Variants in MAJIN observed in about 807,000 individuals in gnomAD.
The protein encoded by MAJIN is membrane anchored junction protein.
A neutral mutation model predicts 30.2 loss-of-function variants in MAJIN; 27 were observed. The observed-to-expected ratio is 0.89, with a 90% CI of 0.66 to 1.23. The LOEUF (loss-of-function observed/expected upper bound fraction) is 1.23. MAJIN is among the 50% of genes most tolerant of loss of function. MAJIN has a pLI of 0.00. For synonymous variants in MAJIN, 78 were observed against 91.6 expected (o/e 0.85, Z 0.85); for missense variants, 253 against 260.3 (o/e 0.97, Z 0.19).
intron 1 of MAJIN, among the ~76,000 whole-genome samples, chr11:64,963,482 C>T (rs1341287796): frequency 2.0e-5 from 3 of 152,202 alleles, no homozygotes; most frequent in African/African-American, 7.2e-5. Context: ...TGTCTGGTGA[C>T]AACTGATAAA....
intron 8 of MAJIN, among the ~76,000 whole-genome samples, chr11:64,940,970 C>T (rs866722834): frequency 6.6e-6 from 1 of 150,650 alleles, no homozygotes; most frequent in South Asian, 2.1e-4. Flanking sequence ...TCCTGAGTAG[C>T]TGGGACTACA....
rs111507908 is a variant in MAJIN, at chr11:64,943,992, C to T, written c.474-3346G>A. Among the ~76,000 whole-genome samples the T allele has an allele frequency of 1.4e-3, 208 of 152,338 alleles. 2 individuals are homozygous for T. Among genetic ancestry groups the T allele is most frequent in the African/African-American group, 3.5e-3 (144 of 41,572 alleles). ...CACAGCACAACTGGGGCCCTGGACT[C>T]TGCCCCTGCACACAGAGGCAGAGGT... On this transcript the variant is annotated intron_variant, in intron 8 of 10. Coordinates refer to ENST00000301896, the MANE Select transcript of MAJIN (RefSeq NM_001037225.3).
intron 1 of MAJIN, among the ~76,000 whole-genome samples, chr11:64,964,813 T>A (rs1275017314): frequency 2.0e-5 from 3 of 151,966 alleles, no homozygotes; most frequent in African/African-American, 7.3e-5. Flanking sequence ...CTCAAACTCC[T>A]GAGCTCAAGA....
At chr11:64,966,883 G>A (rs1945819006) in intron 1 of MAJIN, among the ~76,000 whole-genome samples, 1 of 145,152 alleles carries the variant, frequency 6.9e-6, no homozygotes, top group Non-Finnish European at 1.5e-5. Context: ...GTAGTGAGCT[G>A]AGAACACACC....
In MAJIN at chr11:64,938,476, G is replaced by A. The variant is rs955328012; in HGVS notation, c.*99C>T. On this transcript the variant is annotated 3_prime_UTR_variant, in exon 11 of 11. Coordinates refer to ENST00000301896, the MANE Select transcript of MAJIN (RefSeq NM_001037225.3). ...GAGTTGGAGGAAGAATGGCTCGGGA[G>A]GAGTCACTACAAGAGATGATCCTCT... is the stretch of plus-strand genomic sequence containing the variant. 6.6e-7 allele frequency: 1 copy of A among 1,506,148 alleles called. No homozygotes were observed. The highest frequency in any genetic ancestry group is 8.9e-7 in the Non-Finnish European group (1 of 1,119,780). 93.3% of individuals were successfully genotyped at this position (1,506,148 alleles called of 1,614,324 possible). A position where few individuals can be genotyped will look rare whatever the true frequency, so the allele number is the denominator to read the frequency against.
intron 1 of MAJIN, among the ~76,000 whole-genome samples, chr11:64,968,906 T>A (rs74365834): frequency 6.6e-6 from 1 of 151,630 alleles, no homozygotes; most frequent in African/African-American, 2.4e-5. Context: ...GAAAGGAAGA[T>A]GAACTGTAAG....
intron 1 of MAJIN, among the ~76,000 whole-genome samples, chr11:64,967,203 T>C (rs1945825685): frequency 1.3e-5 from 2 of 150,166 alleles, no homozygotes; most frequent in African/African-American, 4.9e-5. Flanking sequence ...AGGTCAGGAG[T>C]TCGAGACGAA....
intron 7 of MAJIN, 50 bp from the exon 8 acceptor site, chr11:64,947,515 C>G: frequency 6.4e-7 from 1 of 1,562,988 alleles, no homozygotes; most frequent in Non-Finnish European, 8.8e-7. Context: ...GAGTTGCTCA[C>G]AGTTCATGAA....
intron 8 of MAJIN, 51 bp from the exon 9 acceptor site, chr11:64,940,697 T>C: frequency 6.6e-7 from 1 of 1,523,154 alleles, no homozygotes; most frequent in South Asian, 1.1e-5. Flanking sequence ...CTACACTGCA[T>C]GGCAATCTGA....
intron 1 of MAJIN, among the ~76,000 whole-genome samples, chr11:64,963,930 A>T (rs1945766811): frequency 1.3e-5 from 2 of 152,164 alleles, no homozygotes; most frequent in South Asian, 4.1e-4. Context: ...GATTGAGGAC[A>T]GATGACTAGC....
At chr11:64,964,763 T>C (rs928388548) in intron 1 of MAJIN, among the ~76,000 whole-genome samples, 1 of 151,952 alleles carries the variant, frequency 6.6e-6, no homozygotes, top group African/African-American at 2.4e-5. Context: ...ATTTTTGTAT[T>C]TTCTGTAGAT....
chr11:64,969,839 G>C (rs1945870225), intron 1 of MAJIN, among the ~76,000 whole-genome samples: 1 of 152,090 alleles, frequency 6.6e-6, no homozygotes, highest in South Asian at 2.1e-4. Context: ...TAAGGTGAGG[G>C]AGAGCGATGA....
chr11:64,959,093 CAAAAAA>C (rs34562472), intron 3 of MAJIN, among the ~76,000 whole-genome samples: 4 of 53,584 alleles, frequency 7.5e-5, no homozygotes, highest in Admixed American at 2.1e-4. Flanking sequence ...TGCTTCTCTT[CAAAAAA>C]AAAAAAAAAA....
At chr11:64,942,044 T>C (rs1047554594) in intron 8 of MAJIN, among the ~76,000 whole-genome samples, 1 of 152,216 alleles carries the variant, frequency 6.6e-6, no homozygotes, top group Non-Finnish European at 1.5e-5. Flanking sequence ...GAGGACATTT[T>C]ACAACCTGAT....
At chr11:64,970,278 G>T (rs532272995) in intron 1 of MAJIN, among the ~76,000 whole-genome samples, 1 of 148,396 alleles carries the variant, frequency 6.7e-6, no homozygotes, top group Non-Finnish European at 1.5e-5. Flanking sequence ...CAGGAGCATC[G>T]CTTGAACCCA....
chr11:64,958,627 A>T (rs1160317063), intron 3 of MAJIN, among the ~76,000 whole-genome samples: 1 of 151,032 alleles, frequency 6.6e-6, no homozygotes, highest in Non-Finnish European at 1.5e-5. Context: ...AGAAAGAAAA[A>T]TTGCAAGGGA....
At chr11:64,966,145 G>GAAAAAAAGAAAAAAA (rs1945804759) in intron 1 of MAJIN, among the ~76,000 whole-genome samples, 2 of 57,098 alleles carry the variant, frequency 3.5e-5, no homozygotes, top group Non-Finnish European at 6.0e-5. Flanking sequence ...GATTAAAAAT[G>GAAAAAAAGAAAAAAA]AAAAAAAAAA....
chr11:64,954,436 G>A (rs495330), intron 4 of MAJIN: 249,178 of 441,852 alleles, frequency 0.56, 75,790 homozygotes, highest in Non-Finnish European at 0.67. Context: ...GTTTCCCAGA[G>A]CCCTGGAAGG....
chr11:64,961,183 T>A (rs1393547622), intron 1 of MAJIN, among the ~76,000 whole-genome samples: 2 of 151,942 alleles, frequency 1.3e-5, no homozygotes, highest in Admixed American at 6.6e-5. Context: ...TTTTTTTTTT[T>A]TTGAGTCAGG....
Sources: gnomAD v4.1 joint callset for allele counts (sites outside exome capture counted in the v4.1 genomes callset) on GRCh38, gnomAD v4.1.1 for gene constraint, MANE v1.5 for transcripts, NCBI Gene and HGNC (gene_info 2026-07-23, HGNC 2026-07-21) for gene names.